ANK2: variants seen among roughly 807,000 people sequenced by gnomAD.
ANK2 encodes the protein ankyrin 2, also known as ankyrin-2.
In ANK2, 83 loss-of-function variants were observed where a neutral mutation model predicts 360.5. That is an observed-to-expected ratio of 0.23 (90% confidence interval 0.19 to 0.28). The LOEUF (loss-of-function observed/expected upper bound fraction) is 0.28. Among genes scored for constraint, ANK2 ranks in the 10% least tolerant of loss-of-function variants. The probability of loss-of-function intolerance (pLI) is 1.00; values close to 1 mark genes in which losing one functional copy is unlikely to be tolerated. For synonymous variants in ANK2, 1,740 were observed against 1,759.5 expected (o/e 0.99, Z 0.28); for missense variants, 4,201 against 4,795.7 (o/e 0.88, Z 3.66).
chr4:112,712,406 ATTTT>A, the ANK2 span, among the ~76,000 whole-genome samples: 774 of 86,788 alleles, frequency 8.9e-3, 12 homozygotes, highest in African/African-American at 0.032. Context: ...ATATATATAT[ATTTT>A]TTTTTTTTTT....
chr4:112,872,380 C>T (rs1283947138), intron 1 of ANK2, among the ~76,000 whole-genome samples: 2 of 151,854 alleles, frequency 1.3e-5, no homozygotes, highest in African/African-American at 4.8e-5. Flanking sequence ...TCTTGTTGCC[C>T]AGGCTGGAGT....
intron 2 of ANK2, among the ~76,000 whole-genome samples, chr4:112,976,452 C>T (rs1173451762): frequency 6.6e-6 from 1 of 152,144 alleles, no homozygotes; most frequent in East Asian, 1.9e-4. Context: ...CCTTGGCCTC[C>T]CAAAGTGCTG....
intron 2 of ANK2, among the ~76,000 whole-genome samples, chr4:113,039,010 C>T (rs907502563): frequency 6.6e-6 from 1 of 152,052 alleles, no homozygotes; most frequent in Non-Finnish European, 1.5e-5. Context: ...TATTTTAAGA[C>T]AGTAAGTTTA....
the ANK2 span, among the ~76,000 whole-genome samples, chr4:112,728,420 C>G: frequency 6.7e-6 from 1 of 148,580 alleles, no homozygotes; most frequent in Admixed American, 6.8e-5. Context: ...GAAATTGATA[C>G]ATTCTTAGAC....
chr4:113,376,193 T>C (rs1274523514), intron 45 of ANK2, among the ~76,000 whole-genome samples: 2 of 152,188 alleles, frequency 1.3e-5, no homozygotes, highest in Admixed American at 1.3e-4. Flanking sequence ...GTGTGAACAT[T>C]GTAGAATGTC....
chr4:112,807,573 A>G, the ANK2 span, among the ~76,000 whole-genome samples: 17 of 152,262 alleles, frequency 1.1e-4, no homozygotes, highest in Non-Finnish European at 2.5e-4. Flanking sequence ...GTTTCACATT[A>G]GTCCTCAGCA....
chr4:113,097,677 A>G (rs1428356243), intron 1 of ANK2, among the ~76,000 whole-genome samples: 3 of 151,992 alleles, frequency 2.0e-5, no homozygotes, highest in Admixed American at 6.6e-5. Flanking sequence ...GACATAATCA[A>G]GAGAAATTAT....
At chr4:113,317,537 A>G in intron 24 of ANK2, 170 bp from the exon 25 acceptor site, 2 of 667,960 alleles carry the variant, frequency 3.0e-6, no homozygotes, top group South Asian at 3.2e-5. Flanking sequence ...AGGATGTGTT[A>G]GTTCAGCTGT....
Position 113,282,657 on chromosome 4 carries a change from TA to T in ANK2, c.1882-17del. 1 of 1,591,200 alleles carries T rather than the reference TA, an allele frequency of 6.3e-7. No individual in the cohort carries two copies. On this transcript the variant is annotated splice_polypyrimidine_tract_variant and intron_variant, in intron 17 of 45. Transcript: ENST00000357077. ...AATCTTACTCTATATGCATGTGTTTTATTTTTGTTCTTTTTAGAATGGCTAT... is the reference window on the plus strand; with the variant it reads ...AATCTTACTCTATATGCATGTGTTTTTTTTTGTTCTTTTTAGAATGGCTAT...
At chr4:113,204,423 C>T (rs2098913974) in intron 4 of ANK2, among the ~76,000 whole-genome samples, 1 of 152,152 alleles carries the variant, frequency 6.6e-6, no homozygotes. Flanking sequence ...TCATGAGGCT[C>T]CTCAAGAAGT....
chr4:113,012,164 G>A (rs2054961083), intron 2 of ANK2, among the ~76,000 whole-genome samples: 1 of 152,110 alleles, frequency 6.6e-6, no homozygotes, highest in Admixed American at 6.5e-5. Flanking sequence ...AGCCATTCAG[G>A]GGAAGGAGGA....
chr4:112,932,993 T>A (rs963485086), intron 2 of ANK2, among the ~76,000 whole-genome samples: 7 of 152,196 alleles, frequency 4.6e-5, no homozygotes, highest in Non-Finnish European at 8.8e-5. Flanking sequence ...TTAAGGGGCA[T>A]GATTCATGAA....
At chr4:113,012,839 C>T (rs1488729144) in intron 2 of ANK2, among the ~76,000 whole-genome samples, 5 of 152,070 alleles carry the variant, frequency 3.3e-5, no homozygotes, top group East Asian at 1.9e-4. Flanking sequence ...GACCTGGGTG[C>T]GTCGTTCATG....
At chr4:112,807,076 G>T in the ANK2 span, among the ~76,000 whole-genome samples, 3 of 152,124 alleles carry the variant, frequency 2.0e-5, no homozygotes, top group African/African-American at 7.2e-5. Flanking sequence ...GGCTTCCAAG[G>T]CCCTCTCTGA....
At chr4:112,868,188 C>T (rs2071431062) in intron 1 of ANK2, among the ~76,000 whole-genome samples, 1 of 152,094 alleles carries the variant, frequency 6.6e-6, no homozygotes, top group South Asian at 2.1e-4. Flanking sequence ...CTTGTCAGGT[C>T]ATTTTTATGT....
intron 4 of ANK2, among the ~76,000 whole-genome samples, chr4:113,220,042 GTT>G (rs375674614): frequency 0.028 from 4,247 of 152,190 alleles, 98 homozygotes; most frequent in East Asian, 0.067. Context: ...ACTCAGAATT[GTT>G]TTTTTCCTCT....
At position 113,177,375 on chromosome 4, in the gene ANK2, C is replaced by T. The variant is rs139052141; in HGVS notation, c.186+2858C>T. Among the ~76,000 whole-genome samples, 625 of 152,318 alleles carry T rather than the reference C, an allele frequency of 4.1e-3. 2 individuals are homozygous for T. The highest frequency in any genetic ancestry group is 9.9e-3 in the South Asian group (48 of 4,830). ...GATTACAGGCGTGAGCCACCGCGCC[C>T]GGCCAAACTTAGGTTTCTTTAAGTA... On this transcript the variant is annotated intron_variant, in intron 2 of 45. Coordinates refer to ENST00000357077, the MANE Select transcript of ANK2 (RefSeq NM_001148.6).
the ANK2 span, among the ~76,000 whole-genome samples, chr4:112,714,327 C>T: frequency 6.6e-6 from 1 of 152,064 alleles, no homozygotes; most frequent in Non-Finnish European, 1.5e-5. Flanking sequence ...GGACCAGAGG[C>T]ACACGCCACC....
intron 1 of ANK2, among the ~76,000 whole-genome samples, chr4:112,876,245 A>G (rs1560902337): frequency 6.6e-6 from 1 of 152,218 alleles, no homozygotes; most frequent in Non-Finnish European, 1.5e-5. Flanking sequence ...CGATAATCAC[A>G]GTATCTCTTC....
Sources: gnomAD v4.1 joint callset for allele counts (sites outside exome capture counted in the v4.1 genomes callset) on GRCh38, gnomAD v4.1.1 for gene constraint, MANE v1.5 for transcripts, NCBI Gene and HGNC (gene_info 2026-07-23, HGNC 2026-07-21) for gene names.